The following CSMD1 variants were observed in gnomAD, a reference collection of about 807,000 sequenced individuals.
CSMD1 encodes the protein CUB and sushi domain-containing protein 1.
Under a neutral mutation model 417.5 loss-of-function variants are expected in CSMD1, and 213 were observed. That is an observed-to-expected ratio of 0.51 (90% CI 0.46 to 0.57). CSMD1 has a LOEUF of 0.57. Among genes scored for constraint, CSMD1 ranks in the 20% least tolerant of loss-of-function variants. The pLI is 0.00. For synonymous variants in CSMD1, 2,862 were observed against 1,736.8 expected (o/e 1.65, Z -16.11); for missense variants, 6,923 against 4,529.7 (o/e 1.53, Z -15.17).
At chr8:4,816,392 G>A (rs1184461236) in intron 1 of CSMD1, among the ~76,000 whole-genome samples, 1 of 151,896 alleles carries the variant, frequency 6.6e-6, no homozygotes, top group Non-Finnish European at 1.5e-5. Flanking sequence ...GGGGGGCTGG[G>A]GGCACTGTGG....
chr8:3,700,174 G>A (rs185330444), intron 7 of CSMD1, among the ~76,000 whole-genome samples: 1 of 152,150 alleles, frequency 6.6e-6, no homozygotes, highest in East Asian at 1.9e-4. Context: ...CTCAGGTAAT[G>A]GGTGCACCAA....
chr8:3,691,485 G>A (rs1800241878), intron 7 of CSMD1, among the ~76,000 whole-genome samples: 1 of 152,194 alleles, frequency 6.6e-6, no homozygotes, highest in South Asian at 2.1e-4. Context: ...CTATTTCAAT[G>A]TTTCACTGCA....
intron 3 of CSMD1, among the ~76,000 whole-genome samples, chr8:4,204,124 C>T (rs764943331): frequency 3.3e-5 from 5 of 152,034 alleles, no homozygotes; most frequent in African/African-American, 7.2e-5. Context: ...AAACCTAAAA[C>T]TTAAAGGATC....
At chr8:2,946,916 C>A (rs1162123240) in intron 68 of CSMD1, among the ~76,000 whole-genome samples, 1 of 152,172 alleles carries the variant, frequency 6.6e-6, no homozygotes, top group African/African-American at 2.4e-5. Context: ...TCACAGCCAT[C>A]CTTGTGGACA....
At chr8:3,999,873 A>C (rs1015293933) in intron 4 of CSMD1, among the ~76,000 whole-genome samples, 1 of 152,178 alleles carries the variant, frequency 6.6e-6, no homozygotes, top group Non-Finnish European at 1.5e-5. Context: ...ACGTTGTGGA[A>C]AGGGCTGCCC....
chr8:4,544,379 A>G (rs1422026980), intron 2 of CSMD1, among the ~76,000 whole-genome samples: 1 of 152,088 alleles, frequency 6.6e-6, no homozygotes, highest in African/African-American at 2.4e-5. Flanking sequence ...TTTCTTTTAA[A>G]AAATCTATTG....
At chr8:4,932,265 A>C (rs1441649431) in intron 1 of CSMD1, among the ~76,000 whole-genome samples, 4 of 152,120 alleles carry the variant, frequency 2.6e-5, no homozygotes, top group Admixed American at 2.6e-4. Flanking sequence ...TTTTAAAAAA[A>C]AGTGAATTTT....
At chr8:4,682,133 C>A (rs2130980534) in intron 1 of CSMD1, among the ~76,000 whole-genome samples, 1 of 152,254 alleles carries the variant, frequency 6.6e-6, no homozygotes, top group Admixed American at 6.5e-5. Context: ...ATTCTCATGC[C>A]TCAGCCTCCC....
At chr8:3,530,216 T>C (rs1368623802) in intron 10 of CSMD1, among the ~76,000 whole-genome samples, 1 of 152,208 alleles carries the variant, frequency 6.6e-6, no homozygotes, top group African/African-American at 2.4e-5. Context: ...TCAGATTTAG[T>C]TTGCTCTTTT....
rs544201179 is a variant in CSMD1, at chr8:4,616,119, A to G, written c.302+21223T>C. On this transcript the variant is annotated intron_variant, in intron 2 of 69. Coordinates refer to ENST00000635120, the MANE Select transcript of CSMD1 (RefSeq NM_033225.6). Reference sequence around the variant, plus strand: ...GCCCAAACTATTTAGACATCTTCCTATAACATACTCCCTTTGTTGTGATAA... The same window carrying G: ...GCCCAAACTATTTAGACATCTTCCTGTAACATACTCCCTTTGTTGTGATAA... 7.2e-5 allele frequency among the ~76,000 whole-genome samples: 11 copies of G among 152,330 alleles called. No homozygotes were observed. In the East Asian group the frequency reaches 1.2e-3, roughly 16 times the overall value.
intron 3 of CSMD1, among the ~76,000 whole-genome samples, chr8:4,270,816 C>T (rs538585718): frequency 3.9e-5 from 6 of 152,220 alleles, no homozygotes; most frequent in Admixed American, 6.5e-5. Context: ...AGTTCCCTGC[C>T]GCCCACCACA....
intron 3 of CSMD1, among the ~76,000 whole-genome samples, chr8:4,308,170 C>G (rs942882892): frequency 6.6e-6 from 1 of 152,138 alleles, no homozygotes; most frequent in African/African-American, 2.4e-5. Context: ...GAATGTTCCT[C>G]AATATCTCTG....
chr8:3,634,087 G>T (rs71521883), intron 7 of CSMD1, among the ~76,000 whole-genome samples: 1 of 152,100 alleles, frequency 6.6e-6, no homozygotes. Context: ...GGGGGAGGGG[G>T]CCGTGCCCTG....
intron 1 of CSMD1, among the ~76,000 whole-genome samples, chr8:4,881,859 T>C (rs886264659): frequency 5.9e-5 from 9 of 152,070 alleles, no homozygotes; most frequent in Non-Finnish European, 8.8e-5. Context: ...TTATTTTGTT[T>C]TGTTATTTTT....
chr8:3,795,152 ACAGC>A (rs1479098030), intron 5 of CSMD1, among the ~76,000 whole-genome samples: 4 of 51,624 alleles, frequency 7.7e-5, no homozygotes, highest in South Asian at 6.4e-4. Context: ...TCTATCATGT[ACAGC>A]TATAGATACC....
intron 9 of CSMD1, among the ~76,000 whole-genome samples, chr8:3,582,445 T>C (rs1479880765): frequency 6.6e-6 from 1 of 152,078 alleles, no homozygotes; most frequent in African/African-American, 2.4e-5. Context: ...GAAAGAGTGT[T>C]CTACAGAGGG....
At chr8:4,750,515 G>C (rs1286806041) in intron 1 of CSMD1, among the ~76,000 whole-genome samples, 4 of 152,066 alleles carry the variant, frequency 2.6e-5, no homozygotes, top group Non-Finnish European at 1.5e-5. Flanking sequence ...ATATTTTAAT[G>C]TTAAGATTTT....
At chr8:3,411,893 TGCAC>T (rs1812768839) in intron 12 of CSMD1, among the ~76,000 whole-genome samples, 2 of 118,730 alleles carry the variant, frequency 1.7e-5, no homozygotes, top group Non-Finnish European at 3.8e-5. Flanking sequence ...CACGTATATA[TGCAC>T]GTATATATAC....
chr8:4,171,971 G>T (rs117082508), intron 3 of CSMD1, among the ~76,000 whole-genome samples: 4 of 152,024 alleles, frequency 2.6e-5, no homozygotes. Context: ...GTAATAATCA[G>T]CATCCTTCAT....
Sources: gnomAD v4.1 joint callset for allele counts (sites outside exome capture counted in the v4.1 genomes callset) on GRCh38, gnomAD v4.1.1 for gene constraint, MANE v1.5 for transcripts, NCBI Gene and HGNC (gene_info 2026-07-23, HGNC 2026-07-21) for gene names.